PSD3: variants seen among roughly 807,000 people sequenced by gnomAD.
PSD3 encodes PH and SEC7 domain-containing protein 3.
In PSD3, 49 loss-of-function variants were observed where a neutral mutation model predicts 105.5. The observed-to-expected ratio is 0.46, with a 90% CI of 0.37 to 0.59. The LOEUF is 0.59. Ranked by LOEUF, PSD3 falls within the 20% of genes least tolerant of loss-of-function variation. The probability of loss-of-function intolerance (pLI) is 0.00; values close to 1 mark genes in which losing one functional copy is unlikely to be tolerated. For missense variants in PSD3, 1,561 were observed against 1,263.8 expected (o/e 1.24, Z -3.57); for synonymous variants, 557 against 457.8 (o/e 1.22, Z -2.77).
At chr8:18,599,480 C>T (rs751687866) in intron 12 of PSD3, among the ~76,000 whole-genome samples, 15 of 152,114 alleles carry the variant, frequency 9.9e-5, no homozygotes, top group East Asian at 1.9e-4. Context: ...AAGGTGGAAA[C>T]GACCTAAGTG....
At chr8:18,858,296 A>T (rs550827175) in intron 4 of PSD3, among the ~76,000 whole-genome samples, 61 of 152,304 alleles carry the variant, frequency 4.0e-4, no homozygotes, top group Non-Finnish European at 4.0e-4. Flanking sequence ...TTTCCTTTAA[A>T]AACAAACTTT....
chr8:18,661,834 G>T (rs1809371414), intron 9 of PSD3, among the ~76,000 whole-genome samples: 1 of 152,162 alleles, frequency 6.6e-6, no homozygotes, highest in Admixed American at 6.5e-5. Flanking sequence ...TTCTGGAAAT[G>T]GATTCCCTTT....
intron 2 of PSD3, among the ~76,000 whole-genome samples, chr8:18,923,384 A>G (rs1032653082): frequency 1.4e-4 from 21 of 152,194 alleles, no homozygotes; most frequent in African/African-American, 4.6e-4. Flanking sequence ...GCATACAAAA[A>G]GACATACCAC....
chr8:18,910,730 T>C (rs564494242), intron 2 of PSD3, among the ~76,000 whole-genome samples: 15 of 151,592 alleles, frequency 9.9e-5, no homozygotes, highest in Non-Finnish European at 2.2e-4. Flanking sequence ...TGTTGTGGTA[T>C]GCCAAGATCC....
intron 9 of PSD3, among the ~76,000 whole-genome samples, chr8:18,696,936 A>T (rs1392848287): frequency 1.3e-5 from 2 of 152,150 alleles, no homozygotes; most frequent in East Asian, 3.9e-4. Context: ...CCATATATCC[A>T]AAATGTTACC....
rs76569994 is a variant in PSD3 at position 18,647,333 on chromosome 8, C to G, written c.2216+8309G>C. Reference sequence around the variant, plus strand: ...ATGTGCTACCACCTCACCTAATTAGCCAGAACAATTTAATATGTGAGGGCA... The same window carrying G: ...ATGTGCTACCACCTCACCTAATTAGGCAGAACAATTTAATATGTGAGGGCA... On this transcript the variant is annotated intron_variant, in intron 10 of 15. Transcript: ENST00000327040. 3.4e-3 allele frequency among the ~76,000 whole-genome samples: 515 copies of G among 152,208 alleles called. 12 individuals are homozygous for G. In the East Asian group the frequency reaches 0.06, roughly 18 times the overall value.
intron 2 of PSD3, among the ~76,000 whole-genome samples, chr8:18,884,431 G>A (rs1018710145): frequency 1.4e-4 from 21 of 151,908 alleles, no homozygotes; most frequent in African/African-American, 1.2e-4. Flanking sequence ...TAAAAATAAC[G>A]GAAAAATGAA....
intron 4 of PSD3, among the ~76,000 whole-genome samples, chr8:18,851,212 T>A (rs559771082): frequency 6.6e-6 from 1 of 152,252 alleles, no homozygotes; most frequent in African/African-American, 2.4e-5. Context: ...AATAGTCCCA[T>A]CTTGCAAGTA....
At chr8:19,061,550 G>A (rs1163189571) in intron 1 of PSD3, among the ~76,000 whole-genome samples, 3 of 152,062 alleles carry the variant, frequency 2.0e-5, no homozygotes, top group Non-Finnish European at 4.4e-5. Context: ...GCTCACGCCT[G>A]TAATCCCAGC....
At chr8:18,551,498 T>A (rs1016552654) in intron 15 of PSD3, among the ~76,000 whole-genome samples, 4 of 152,208 alleles carry the variant, frequency 2.6e-5, no homozygotes, top group African/African-American at 4.8e-5. Context: ...AAAAGGTGCA[T>A]CATGCTTCAA....
At chr8:18,567,648 T>G (rs1046952844) in intron 14 of PSD3, among the ~76,000 whole-genome samples, 2 of 152,168 alleles carry the variant, frequency 1.3e-5, no homozygotes, top group African/African-American at 2.4e-5. Flanking sequence ...AACCACAGAT[T>G]CTTCCTTCTT....
chr8:18,973,709 C>G (rs1481684899), intron 1 of PSD3, among the ~76,000 whole-genome samples: 1 of 152,088 alleles, frequency 6.6e-6, no homozygotes, highest in Non-Finnish European at 1.5e-5. Flanking sequence ...AAAAGGATAC[C>G]AATTGGATCT....
chr8:19,072,871 G>A (rs974025567), intron 1 of PSD3, among the ~76,000 whole-genome samples: 2 of 151,930 alleles, frequency 1.3e-5, no homozygotes, highest in South Asian at 2.1e-4. Flanking sequence ...GAGTTCATGT[G>A]GAAGGACTCA....
At chr8:18,989,887 T>A (rs1159838318) in intron 1 of PSD3, among the ~76,000 whole-genome samples, 2 of 152,202 alleles carry the variant, frequency 1.3e-5, no homozygotes. Flanking sequence ...AAGAAGCTTA[T>A]AGTCTAGGTG....
chr8:18,718,831 C>T (rs1802765769), intron 9 of PSD3, among the ~76,000 whole-genome samples: 3 of 152,012 alleles, frequency 2.0e-5, no homozygotes, highest in Admixed American at 2.0e-4. Flanking sequence ...AAAAACCCCA[C>T]CTAAACTAAA....
chr8:18,709,920 A>C (rs1448454810), intron 9 of PSD3, among the ~76,000 whole-genome samples: 4 of 152,214 alleles, frequency 2.6e-5, no homozygotes, highest in African/African-American at 7.2e-5. Context: ...ATTAAAAAGA[A>C]ATAGGGTGCC....
chr8:19,019,709 G>C (rs1008400482), intron 1 of PSD3, among the ~76,000 whole-genome samples: 1 of 152,130 alleles, frequency 6.6e-6, no homozygotes, highest in Non-Finnish European at 1.5e-5. Flanking sequence ...CTAAAATCAT[G>C]ATATGCTTGG....
At chr8:18,872,770 A>G (rs889896713) in intron 2 of PSD3, 37 bp from the exon 3 acceptor site, 1 of 1,502,842 alleles carries the variant, frequency 6.7e-7, no homozygotes, top group African/African-American at 1.4e-5. Context: ...GACTTGTTGT[A>G]GAAAGACAGG....
At chr8:18,918,315 G>A (rs565862686) in intron 2 of PSD3, among the ~76,000 whole-genome samples, 1 of 152,272 alleles carries the variant, frequency 6.6e-6, no homozygotes, top group South Asian at 2.1e-4. Context: ...ACTCTGCTCA[G>A]ATCTCAGATG....
Sources: allele counts gnomAD v4.1 joint callset (sites outside exome capture counted in the v4.1 genomes callset), GRCh38; gene constraint gnomAD v4.1.1; transcripts MANE v1.5; gene names NCBI Gene and HGNC (gene_info 2026-07-23, HGNC 2026-07-21).